The following PLCXD1 variants were observed in gnomAD, a reference collection of about 807,000 sequenced individuals.
The protein encoded by PLCXD1 is PI-PLC X domain-containing protein 1.
A neutral mutation model predicts 37.8 loss-of-function variants in PLCXD1; 45 were observed. The observed-to-expected ratio is 1.19, with a 90% CI of 0.94 to 1.53. The LOEUF (loss-of-function observed/expected upper bound fraction) is 1.53. Ranked by LOEUF, PLCXD1 falls within the 40% of genes most tolerant of loss-of-function variation. The pLI is 0.00. For missense variants in PLCXD1, 539 were observed against 454.7 expected (o/e 1.19, Z -1.69); for synonymous variants, 246 against 206.9 (o/e 1.19, Z -1.62).
intron 2 of PLCXD1, among the ~76,000 whole-genome samples, chrX:287,680 TTTGTTTA>T (rs2069501807): frequency 4.3e-5 from 6 of 140,332 alleles, no homozygotes; most frequent in Middle Eastern, 4.2e-3. Flanking sequence ...ACTATATATC[TTTGTTTA>T]TAGATATAGA....
chrX:281,002 A>G (rs867842165), upstream of PLCXD1: 3 of 1,434 alleles, frequency 2.1e-3, no homozygotes, highest in Non-Finnish European at 3.6e-3. Context: ...GGGGGAGGGG[A>G]GGCCGTGCAG....
intron 6 of PLCXD1, among the ~76,000 whole-genome samples, chrX:293,905 G>A (rs1046208940): frequency 2.6e-5 from 4 of 152,348 alleles, no homozygotes; most frequent in African/African-American, 4.8e-5. Flanking sequence ...TGGAAACAGG[G>A]TCTCTCCTTT....
At chrX:288,942 T>C in intron 3 of PLCXD1, 73 bp downstream of exon 3, 1 of 1,460,612 alleles carries the variant, frequency 6.8e-7, no homozygotes, top group South Asian at 1.1e-5. Context: ...GGTGCTGAAA[T>C]GGCCCCTCAC....
intron 6 of PLCXD1, among the ~76,000 whole-genome samples, chrX:296,621 C>G (rs2069816824): frequency 6.6e-6 from 1 of 152,202 alleles, no homozygotes; most frequent in Non-Finnish European, 1.5e-5. Context: ...GCATTTCTAA[C>G]TATTGCAGGG....
Position 299,205 on chromosome X carries a change from G to C in PLCXD1, c.842G>C (p.Ser281Thr). The change falls in exon 7 of 7, where the codon AGC (serine) becomes ACC (threonine). Residue 281 changes from serine (S) to threonine (T), a missense_variant. Transcript: ENST00000381657. ...KMTLPNLPRL[S>T]AWVREQCPGP... ...ACGCTGCCCAACCTTCCGCGGCTGA[G>C]CGCGTGGGTCCGAGAGCAGTGCCCG... 6.2e-7 allele frequency: 1 copy of C among 1,613,934 alleles called. No homozygotes were observed. The highest frequency in any genetic ancestry group is 8.5e-7 in the Non-Finnish European group (1 of 1,179,860).
intron 1 of PLCXD1, chrX:283,951 C>G (rs982110876): frequency 4.0e-6 from 2 of 499,834 alleles, no homozygotes; most frequent in South Asian, 4.9e-5. Context: ...GCGGGATCTC[C>G]GCTCACTGTA....
chrX:290,901 G>A lies in PLCXD1; in HGVS notation c.393+125G>A. The A allele has an allele frequency of 8.4e-6, 2 of 236,762 alleles. 1 individual carries two copies. Among genetic ancestry groups the A allele is most frequent in the Non-Finnish European group, 1.4e-5 (2 of 138,990 alleles). The allele number at this position is 236,762 out of a possible 1,614,324, so 14.7% of individuals were successfully genotyped here. A position where few individuals can be genotyped will look rare whatever the true frequency, so the allele number is the denominator to read the frequency against. ...GGGAGGCGGCCGGGCACTGGTGCAG[G>A]TGCGGCCGGGCTGAGGTGGGAAGCA... is the stretch of plus-strand genomic sequence containing the variant. On this transcript the variant is annotated intron_variant, in intron 4 of 6. Transcript: ENST00000381657.
At chrX:280,189 C>T (rs1332402211), upstream of PLCXD1, among the ~76,000 whole-genome samples, 1 of 152,124 alleles carries the variant, frequency 6.6e-6, no homozygotes, top group African/African-American at 2.4e-5. Flanking sequence ...CTCCACCCCG[C>T]GGCCCCGGGA....
At chrX:282,055 G>T (rs1281373734) in intron 1 of PLCXD1, among the ~76,000 whole-genome samples, 1 of 152,080 alleles carries the variant, frequency 6.6e-6, no homozygotes, top group Non-Finnish European at 1.5e-5. Context: ...GCCCCTCCAG[G>T]TCTCATTTCT....
intron 2 of PLCXD1, among the ~76,000 whole-genome samples, chrX:286,023 A>G (rs189058858): frequency 6.6e-6 from 1 of 152,144 alleles, no homozygotes; most frequent in East Asian, 1.9e-4. Flanking sequence ...CTTCCTTGCA[A>G]TGTAGGGAAT....
At chrX:296,224 G>T (rs901648924) in intron 6 of PLCXD1, among the ~76,000 whole-genome samples, 13 of 151,822 alleles carry the variant, frequency 8.6e-5, no homozygotes, top group Admixed American at 1.3e-4. Context: ...GGATTCAAGT[G>T]ATTCTCCTGC....
rs1349429644 is a variant in PLCXD1 at position 290,745 on chromosome X, T to A, written c.362T>A (p.Val121Asp). The change falls in exon 4 of 7, where the codon GTC (valine) becomes GAC (aspartate). Residue 121 changes from valine (V) to aspartate (D), a missense_variant. Val to Asp is a radical substitution (Grantham distance 152). Transcript: ENST00000381657. The part of the protein sequence containing the change: ...LEGSEKNLHF[V>D]HMVYTTALVE... ...GGCTCGGAGAAGAACCTGCACTTTG[T>A]CCATATGGTGTACACAACGGCGCTG... 1.2e-6 allele frequency: 2 copies of A among 1,612,898 alleles called. No individual in the cohort carries two copies. Among genetic ancestry groups the A allele is most frequent in the Non-Finnish European group, 1.7e-6 (2 of 1,179,792 alleles).
chrX:295,774 G>A (rs772351959), intron 6 of PLCXD1, among the ~76,000 whole-genome samples: 3 of 151,914 alleles, frequency 2.0e-5, no homozygotes, highest in East Asian at 2.0e-4. Flanking sequence ...TGATCTGCCC[G>A]TCTCAGTCTC....
At chrX:296,759 A>T (rs28451364) in intron 6 of PLCXD1, among the ~76,000 whole-genome samples, 109,793 of 150,150 alleles carry the variant, frequency 0.73, 41,327 homozygotes, top group African/African-American at 0.91. Context: ...AATGTGGACA[A>T]GTTTGGGGCC....
upstream of PLCXD1, among the ~76,000 whole-genome samples, chrX:280,459 A>G (rs1255097542): frequency 7.1e-5 from 1 of 14,032 alleles, no homozygotes; most frequent in Non-Finnish European, 1.4e-4. Context: ...GGAGGAGGGG[A>G]GGCCGTGCAG....
At chrX:295,104 G>T (rs1368731780) in intron 6 of PLCXD1, among the ~76,000 whole-genome samples, 2 of 151,518 alleles carry the variant, frequency 1.3e-5, no homozygotes, top group African/African-American at 4.9e-5. Flanking sequence ...CGGGGGCGGA[G>T]GCTGCCGTGA....
chrX:295,968 C>T (rs1172100909), intron 6 of PLCXD1, among the ~76,000 whole-genome samples: 2 of 150,792 alleles, frequency 1.3e-5, no homozygotes, highest in African/African-American at 4.9e-5. Flanking sequence ...AGCCTCCCAC[C>T]ACGCCCGGCT....
chrX:283,863 C>G, intron 1 of PLCXD1: 1 of 200,374 alleles, frequency 5.0e-6, no homozygotes. Context: ...GACCCCTTTT[C>G]CTCTCTCTCT....
Position 300,940 on chromosome X carries a change from T to C in PLCXD1, c.*1605T>C, listed in dbSNP as rs943256499. 4 of 152,088 alleles carry C rather than the reference T, an allele frequency of 2.6e-5. No homozygotes were observed. The highest frequency in any genetic ancestry group is 9.7e-5 in the African/African-American group (4 of 41,386). 9.4% of individuals were successfully genotyped at this position (152,088 alleles called of 1,614,324 possible). A position where few individuals can be genotyped will look rare whatever the true frequency, so the allele number is the denominator to read the frequency against. On this transcript the variant is annotated 3_prime_UTR_variant, in exon 7 of 7. Transcript: ENST00000381657. Reference sequence around the variant, plus strand: ...CCGTTCTCAAACTTCTGACCTCAGGTGATCTGCCCGCCTCGACCTCCCAAA... The same window carrying C: ...CCGTTCTCAAACTTCTGACCTCAGGCGATCTGCCCGCCTCGACCTCCCAAA...
Sources: allele counts gnomAD v4.1 joint callset (sites outside exome capture counted in the v4.1 genomes callset), GRCh38; gene constraint gnomAD v4.1.1; transcripts MANE v1.5; gene names NCBI Gene and HGNC (gene_info 2026-07-23, HGNC 2026-07-21).